The following CERS5 variants were observed in gnomAD, a reference collection of about 807,000 sequenced individuals.
CERS5 encodes LAG1 homolog, ceramide synthase 5.
CERS5 carries 37 observed loss-of-function variants against 58.9 expected under a neutral mutation model. That is an observed-to-expected ratio of 0.63 (90% CI 0.48 to 0.83). The LOEUF (loss-of-function observed/expected upper bound fraction) is 0.83. Ranked by LOEUF, CERS5 falls within the 40% of genes least tolerant of loss-of-function variation. The pLI, the probability that CERS5 is intolerant of heterozygous loss-of-function variation, is 0.00. For missense variants in CERS5, 398 were observed against 489.3 expected, an observed-to-expected ratio of 0.81 and a Z score of 1.76; for synonymous variants, 147 against 177.8, an observed-to-expected ratio of 0.83 and a Z score of 1.38.
intron 9 of CERS5, chr12:50,133,334 A>G (rs748865009): frequency 3.3e-5 from 35 of 1,063,044 alleles, no homozygotes; most frequent in Admixed American, 4.5e-5. Context: ...GCAAAGTTCA[A>G]TTATGAGTTT....
chr12:50,148,123 T>C (rs953587751), intron 1 of CERS5, among the ~76,000 whole-genome samples: 2 of 150,558 alleles, frequency 1.3e-5, no homozygotes, highest in African/African-American at 4.9e-5. Flanking sequence ...GGAAACGTGG[T>C]GAAACCCTGT....
At chr12:50,164,036 T>C (rs1210696705) in intron 1 of CERS5, among the ~76,000 whole-genome samples, 1 of 150,920 alleles carries the variant, frequency 6.6e-6, no homozygotes, top group Non-Finnish European at 1.5e-5. Context: ...CTTGGCTCAC[T>C]GCAACCTCTG....
intron 1 of CERS5, among the ~76,000 whole-genome samples, chr12:50,162,607 CTCT>C (rs966612757): frequency 9.6e-5 from 14 of 145,338 alleles, no homozygotes; most frequent in South Asian, 2.2e-4. Context: ...CTCTCTCTCT[CTCT>C]TTTTTTTTTT....
chr12:50,150,945 A>G (rs570924650), intron 1 of CERS5, among the ~76,000 whole-genome samples: 1 of 152,256 alleles, frequency 6.6e-6, no homozygotes, highest in East Asian at 1.9e-4. Context: ...ATCTAAACTA[A>G]TCACATCTAA....
At chr12:50,154,069 G>GTTAAGCCA in intron 1 of CERS5, 1 of 238,138 alleles carries the variant, frequency 4.2e-6, no homozygotes, top group Non-Finnish European at 8.7e-6. Context: ...TTAAGAAACT[G>GTTAAGCCA]CTACTTGTGG....
At position 50,145,483 on chromosome 12, in the gene CERS5, T is replaced by G. The variant is rs80030881; in HGVS notation, c.198-1426A>C. ...GTAAAATGGAGTGCCGTTAACCTAT[T>G]TTCTTGAGCTGCATTTGAACCTAGA... On this transcript the variant is annotated intron_variant, in intron 1 of 9. Transcript: ENST00000317551. Among the ~76,000 whole-genome samples the G allele has an allele frequency of 7.8e-3, 1,188 of 152,246 alleles. 13 individuals are homozygous for G. Among genetic ancestry groups the G allele is most frequent in the African/African-American group, 0.026 (1,082 of 41,542 alleles).
chr12:50,164,932 C>A (rs1939701675), intron 1 of CERS5: 1 of 151,648 alleles, frequency 6.6e-6, no homozygotes, highest in Non-Finnish European at 1.5e-5. Flanking sequence ...CTATGAAAAT[C>A]ACCTTTTAAA....
rs564126264 is a variant in CERS5 at position 50,154,302 on chromosome 12, C to T, written c.198-10245G>A. 3.5e-3 allele frequency: 997 copies of T among 282,814 alleles called. 6 individuals carry two copies. The highest frequency in any genetic ancestry group is 4.5e-3 in the Non-Finnish European group (609 of 135,510). 17.5% of individuals were successfully genotyped at this position (282,814 alleles called of 1,614,324 possible). On this transcript the variant is annotated intron_variant, in intron 1 of 9. Transcript: ENST00000317551. ...AGGGAGTCGAAGGTTGCAGTGAGAT[C>T]GCGCCACTACACTCCAGCCTGGGAA...
At chr12:50,163,739 G>A (rs1025752034) in intron 1 of CERS5, among the ~76,000 whole-genome samples, 4 of 151,292 alleles carry the variant, frequency 2.6e-5, no homozygotes, top group South Asian at 2.1e-4. Flanking sequence ...TCAACCTCCC[G>A]GGTTCAAGCA....
intron 8 of CERS5, chr12:50,134,903 G>A: frequency 1.7e-6 from 1 of 576,306 alleles, no homozygotes; most frequent in Non-Finnish European, 3.1e-6. Context: ...GACAGAGAAA[G>A]ATATATAAAT....
At chr12:50,148,927 A>AATATATATATATATATAT (rs773368671) in intron 1 of CERS5, among the ~76,000 whole-genome samples, 154 of 47,882 alleles carry the variant, frequency 3.2e-3, no homozygotes, top group South Asian at 4.9e-3. Flanking sequence ...AAAAAAAAAA[A>AATATATATATATATATAT]ATATATATAT....
intron 4 of CERS5, among the ~76,000 whole-genome samples, chr12:50,140,839 A>ATTTTTT (rs200589306): frequency 7.4e-6 from 1 of 134,896 alleles, no homozygotes. Flanking sequence ...ACCCTTAGTG[A>ATTTTTT]TTTTTTTTTT....
intron 6 of CERS5, 28 bp downstream of exon 6, chr12:50,137,700 G>T: frequency 8.3e-7 from 1 of 1,211,938 alleles, no homozygotes; most frequent in Non-Finnish European, 1.2e-6. Context: ...GTAATAAGTT[G>T]GGGAATTGAG....
chr12:50,135,405 AC>A (rs1394265816), intron 8 of CERS5: 18 of 516,552 alleles, frequency 3.5e-5, no homozygotes, highest in African/African-American at 2.5e-4. Context: ...AATTGTATCA[AC>A]AGTGCAAAAG....
intron 1 of CERS5, among the ~76,000 whole-genome samples, chr12:50,153,269 A>ATTTTTTTTTTTTTTTTTTTTTTTT: frequency 1.1e-5 from 1 of 93,438 alleles, no homozygotes; most frequent in Non-Finnish European, 2.1e-5. Context: ...AACTAATATG[A>ATTTTTTTTTTTTTTTTTTTTTTTT]TTTTTTTTTT....
At chr12:50,142,999 G>T in intron 3 of CERS5, 75 bp downstream of exon 3, 1 of 1,474,712 alleles carries the variant, frequency 6.8e-7, no homozygotes, top group Non-Finnish European at 9.2e-7. Context: ...CAGAAGTGAT[G>T]TTCAAAACAG....
Position 50,143,212 on chromosome 12 carries a change from T to C in CERS5, c.304-8A>G, listed in dbSNP as rs1952073129. 2 of 1,613,966 alleles carry C rather than the reference T, an allele frequency of 1.2e-6. No individual in the cohort carries two copies. The highest frequency in any genetic ancestry group is 1.7e-6 in the Non-Finnish European group (2 of 1,179,936). On this transcript the variant is annotated splice_polypyrimidine_tract_variant and splice_region_variant and intron_variant, in intron 2 of 9. Coordinates refer to ENST00000317551, the MANE Select transcript of CERS5 (RefSeq NM_147190.5). ...CCTTTTCTTATCAGGATACTGTGAA[T>C]GTATAACCAGAGTCAGAACACCCGT... is the stretch of plus-strand genomic sequence containing the variant.
At chr12:50,166,112 C>T (rs1480562656) in intron 1 of CERS5, 2 of 302,216 alleles carry the variant, frequency 6.6e-6, no homozygotes, top group African/African-American at 4.5e-5. Context: ...CACTTGAGGT[C>T]AGGAGTTACA....
intron 9 of CERS5, chr12:50,133,227 G>A: frequency 2.7e-6 from 3 of 1,111,718 alleles, no homozygotes; most frequent in Non-Finnish European, 3.3e-6. Flanking sequence ...CCTAGTATCA[G>A]TACCTGCTCA....
Sources: gnomAD v4.1 joint callset for allele counts (sites outside exome capture counted in the v4.1 genomes callset) on GRCh38, gnomAD v4.1.1 for gene constraint, MANE v1.5 for transcripts, NCBI Gene and HGNC (gene_info 2026-07-23, HGNC 2026-07-21) for gene names.